DIXDC1: variants seen among roughly 807,000 people sequenced by gnomAD.
DIXDC1 encodes dixin.
Under a neutral mutation model 103.1 loss-of-function variants are expected in DIXDC1, and 64 were observed. That is an observed-to-expected ratio of 0.62 (90% CI 0.51 to 0.76). The LOEUF (loss-of-function observed/expected upper bound fraction) is 0.76, where lower values mean the gene tolerates loss of function less well. Among genes scored for constraint, DIXDC1 ranks in the 30% least tolerant of loss-of-function variants. The pLI is 0.00. For synonymous variants in DIXDC1, 266 were observed against 298.5 expected, an observed-to-expected ratio of 0.89 and a Z score of 1.12; for missense variants, 759 against 834.2, an observed-to-expected ratio of 0.91 and a Z score of 1.11.
At position 112,017,075 on chromosome 11, in the gene DIXDC1, C is replaced by CT. The variant is rs797040464; in HGVS notation, c.1862+294dup. On this transcript the variant is annotated intron_variant, in intron 18 of 19. Coordinates refer to ENST00000440460, the MANE Select transcript of DIXDC1 (RefSeq NM_001037954.4). This position sits in a 1 kb window ranked among gnomAD's most constrained non-coding sequence, Gnocchi z 4.0. ...AATATGGCTCTGCATTTGGGAAAAT[C>CT]TTTTTTTTTTTTTTTAAGTGTTCAA... Among the ~76,000 whole-genome samples the CT allele has an allele frequency of 5.4e-3, 742 of 138,124 alleles. No individual in the cohort carries two copies. Among genetic ancestry groups the CT allele is most frequent in the African/African-American group, 0.015 (571 of 38,068 alleles). 90.6% of individuals were successfully genotyped at this position (138,124 alleles called of 152,430 possible).
intron 1 of DIXDC1, among the ~76,000 whole-genome samples, chr11:111,955,337 G>T (rs193067880): frequency 0.022 from 2,599 of 117,442 alleles, 31 homozygotes; most frequent in Non-Finnish European, 0.032. Context: ...GTGAGACCCT[G>T]TCAAAAAAAA....
intron 19 of DIXDC1, 141 bp from the exon 20 acceptor site, chr11:112,018,813 TTC>T (rs1861673645): frequency 1.7e-6 from 1 of 590,388 alleles, no homozygotes; most frequent in Non-Finnish European, 2.9e-6. Context: ...TCAGTTGCAG[TTC>T]TAGGGACAAG....
intron 17 of DIXDC1, among the ~76,000 whole-genome samples, chr11:112,011,558 G>A (rs186462272): frequency 6.6e-6 from 1 of 152,158 alleles, no homozygotes; most frequent in Non-Finnish European, 1.5e-5. Context: ...CAACCCAAAT[G>A]TCCATCAATG....
Position 111,998,265 on chromosome 11 carries a change from A to G in DIXDC1, c.1756+2119A>G, listed in dbSNP as rs587667971. 6.6e-6 allele frequency among the ~76,000 whole-genome samples: 1 copy of G among 152,360 alleles called. No homozygotes were observed. Among genetic ancestry groups the G allele is most frequent in the South Asian group, 2.1e-4 (1 of 4,834 alleles). ...AATGTTAGATGCTGGAGATATAGAG[A>G]TGAAGAGGTTAGACTTGGCACTTGC... On this transcript the variant is annotated intron_variant, in intron 17 of 19. Coordinates refer to ENST00000440460, the MANE Select transcript of DIXDC1 (RefSeq NM_001037954.4). This position sits in a 1 kb window ranked among gnomAD's most constrained non-coding sequence, Gnocchi z 4.1.
intron 1 of DIXDC1, among the ~76,000 whole-genome samples, chr11:111,941,086 C>T (rs1012355989): frequency 6.6e-6 from 1 of 152,090 alleles, no homozygotes; most frequent in South Asian, 2.1e-4. Context: ...GACTGGTGAC[C>T]GCACTCCGGC....
rs1449627305 is a variant in DIXDC1, at chr11:111,943,139, AATTT to A, written c.60+5589_60+5592del. On this transcript the variant is annotated intron_variant, in intron 1 of 19. Coordinates refer to ENST00000440460, the MANE Select transcript of DIXDC1 (RefSeq NM_001037954.4). ...TATTTATTTTTTAAATTTTGATTTC[AATTT>A]ATTTATTTTTTGAGACAGTGTCTCA... is the stretch of plus-strand genomic sequence containing the variant. Among the ~76,000 whole-genome samples, 7 of 152,026 alleles carry A rather than the reference AATTT, an allele frequency of 4.6e-5. No homozygotes were observed. In the East Asian group the frequency reaches 1.3e-3, roughly 29 times the overall value.
intron 5 of DIXDC1, among the ~76,000 whole-genome samples, chr11:111,979,544 TG>T (rs1860229630): frequency 6.6e-6 from 1 of 152,222 alleles, no homozygotes; most frequent in African/African-American, 2.4e-5. Context: ...TCCTTTTCCC[TG>T]TCACATGGAA....
At chr11:111,972,587 T>C (rs1859971383) in intron 3 of DIXDC1, among the ~76,000 whole-genome samples, 1 of 152,202 alleles carries the variant, frequency 6.6e-6, no homozygotes, top group Non-Finnish European at 1.5e-5. Context: ...TGGCCTCCCA[T>C]GCCCTGTGTG....
At chr11:111,988,867 G>A (rs587740202) in intron 9 of DIXDC1, 138 bp from the exon 10 acceptor site, 2 of 655,340 alleles carry the variant, frequency 3.1e-6, no homozygotes, top group African/African-American at 3.7e-5. Flanking sequence ...CTGAACCAGA[G>A]CTGTTTTCTG....
rs1860846052 is a variant in DIXDC1, at chr11:111,995,042, C to T, written c.1461C>T (p.Asn487=). The T allele has an allele frequency of 1.9e-6, 3 of 1,613,812 alleles. No individual in the cohort carries two copies. The highest frequency in any genetic ancestry group is 2.5e-6 in the Non-Finnish European group (3 of 1,179,896). Residue 487 remains asparagine, a synonymous_variant, in exon 15 of 20, where the codon AAC becomes AAT. Transcript: ENST00000440460. The stretch of plus-strand genomic sequence containing the variant: ...AGGCGACCAACTACAACAGTCACAA[C>T]TCTCAAAGCAATGGTTTTCTCCTTC... ...ADEATNYNSH[N]SQSNGFLLPT...
chr11:111,945,934 ATT>A (rs59564914), intron 1 of DIXDC1: 5 of 119,800 alleles, frequency 4.2e-5, no homozygotes, highest in Admixed American at 9.8e-5. Flanking sequence ...AGCCCGGTTA[ATT>A]TTTTTTTTTT....
At chr11:111,983,196 G>T (rs587759547) in intron 7 of DIXDC1, among the ~76,000 whole-genome samples, 140 of 152,286 alleles carry the variant, frequency 9.2e-4, no homozygotes, top group African/African-American at 3.2e-3. Flanking sequence ...TTCTGTTTGT[G>T]CTGGGAACTG....
intron 9 of DIXDC1, among the ~76,000 whole-genome samples, chr11:111,987,285 A>G (rs1555173989): frequency 6.6e-6 from 1 of 151,942 alleles, no homozygotes; most frequent in Non-Finnish European, 1.5e-5. Context: ...CTATTACACA[A>G]CTTCAAGAGG....
intron 5 of DIXDC1, among the ~76,000 whole-genome samples, chr11:111,978,623 G>A (rs1566519510): frequency 6.6e-6 from 1 of 152,182 alleles, no homozygotes; most frequent in African/African-American, 2.4e-5. Flanking sequence ...GAAGGAGAAG[G>A]AGCTGAGCAT....
chr11:111,977,719 C>T lies in DIXDC1; in HGVS notation c.656+2736C>T, dbSNP rs975524389. ...TTGGGAGCGATGTGACTCTCAGCCT[C>T]CCACTTCACCCGGGGACGCAGGCTT... On this transcript the variant is annotated intron_variant, in intron 5 of 19. Transcript: ENST00000440460. The surrounding 1 kb of genome is among the most constrained non-coding windows in gnomAD (Gnocchi z 6.1). 7.1e-6 allele frequency: 11 copies of T among 1,550,782 alleles called. No homozygotes were observed. Among genetic ancestry groups the T allele is most frequent in the Non-Finnish European group, 8.7e-6 (10 of 1,146,932 alleles).
rs1404404392 is a variant in DIXDC1, at chr11:111,977,273, A to AGTC, written c.656+2291_656+2292insTCG. 28 of 996,314 alleles carry AGTC rather than the reference A, an allele frequency of 2.8e-5. No individual in the cohort carries two copies. The highest frequency in any genetic ancestry group is 2.8e-5 in the Non-Finnish European group (23 of 835,768). 61.7% of individuals were successfully genotyped at this position (996,314 alleles called of 1,614,324 possible). On this transcript the variant is annotated intron_variant, in intron 5 of 19. Coordinates refer to ENST00000440460, the MANE Select transcript of DIXDC1 (RefSeq NM_001037954.4). The surrounding 1 kb of genome is among the most constrained non-coding windows in gnomAD (Gnocchi z 6.1). ...GCCCGGCTGCCTCGCCGCGTGTGACAGCCCAGGGAGGGAGCAGAGGGTGGG... is the reference window on the plus strand; with the variant it reads ...GCCCGGCTGCCTCGCCGCGTGTGACAGTCGCCCAGGGAGGGAGCAGAGGGTGGG...
chr11:111,955,352 A>AG (rs1464100157), intron 1 of DIXDC1, among the ~76,000 whole-genome samples: 1 of 151,368 alleles, frequency 6.6e-6, no homozygotes, highest in East Asian at 1.9e-4. Context: ...AAAAAAAAAA[A>AG]AAAAAAGGAA....
chr11:112,014,709 T>G (rs1861533348), intron 17 of DIXDC1, among the ~76,000 whole-genome samples: 1 of 152,192 alleles, frequency 6.6e-6, no homozygotes, highest in African/African-American at 2.4e-5. Flanking sequence ...ATTTTTATAT[T>G]CTCAAATCGA....
upstream of DIXDC1, among the ~76,000 whole-genome samples, chr11:111,936,325 C>G (rs2137430373): frequency 6.6e-6 from 1 of 152,276 alleles, no homozygotes; most frequent in Non-Finnish European, 1.5e-5. Flanking sequence ...GACTAGTATT[C>G]CTAAAAATAA....
Sources: gnomAD v4.1 joint callset for allele counts (sites outside exome capture counted in the v4.1 genomes callset) on GRCh38, gnomAD v4.1.1 for gene constraint, Gnocchi (gnomAD v3.1) non-coding constraint, MANE v1.5 for transcripts, NCBI Gene and HGNC (gene_info 2026-07-23, HGNC 2026-07-21) for gene names.